CELF2: variants seen among roughly 807,000 people sequenced by gnomAD.
CELF2 encodes CUG triplet repeat RNA-binding protein 2.
CELF2 carries 8 observed loss-of-function variants against 62.6 expected under a neutral mutation model. The ratio of observed to expected loss-of-function variants is 0.13; its 90% CI spans 0.07 to 0.23. The LOEUF (loss-of-function observed/expected upper bound fraction) is 0.23. Ranked by LOEUF, CELF2 falls within the 10% of genes least tolerant of loss-of-function variation. The probability of loss-of-function intolerance (pLI) is 1.00; values close to 1 mark genes in which losing one functional copy is unlikely to be tolerated. For synonymous variants in CELF2, 258 were observed against 250.0 expected (o/e 1.03, Z -0.30); for missense variants, 333 against 671.0 (o/e 0.50, Z 5.56).
the CELF2 span, among the ~76,000 whole-genome samples, chr10:10,790,300 A>G: frequency 6.6e-6 from 1 of 152,100 alleles, no homozygotes; most frequent in Non-Finnish European, 1.5e-5. Context: ...GAACCCTACT[A>G]TAATTATTGT....
At chr10:11,094,213 T>C (rs915355490) in intron 1 of CELF2, among the ~76,000 whole-genome samples, 1 of 152,206 alleles carries the variant, frequency 6.6e-6, no homozygotes, top group Non-Finnish European at 1.5e-5. Context: ...TGCAGAACAT[T>C]AACTTTACGC....
the CELF2 span, among the ~76,000 whole-genome samples, chr10:10,765,061 G>A: frequency 2.0e-5 from 3 of 152,164 alleles, no homozygotes; most frequent in Non-Finnish European, 4.4e-5. Flanking sequence ...TACCACCTTT[G>A]GGGGTGGAGG....
chr10:11,131,999 A>G (rs2131871981), intron 1 of CELF2, among the ~76,000 whole-genome samples: 1 of 152,352 alleles, frequency 6.6e-6, no homozygotes, highest in African/African-American at 2.4e-5. Flanking sequence ...TAAAACCGTA[A>G]TTTTATAAAA....
chr10:10,545,589 A>G, the CELF2 span, among the ~76,000 whole-genome samples: 3 of 152,206 alleles, frequency 2.0e-5, no homozygotes, highest in African/African-American at 7.2e-5. Flanking sequence ...GCTTTATTCC[A>G]TTTCCTGACT....
intron 2 of CELF2, among the ~76,000 whole-genome samples, chr10:10,925,540 T>C (rs112596332): frequency 2.7e-4 from 41 of 152,140 alleles, no homozygotes; most frequent in South Asian, 2.5e-3. Flanking sequence ...CCCAGTGCTA[T>C]GGGAAAGTGT....
chr10:10,823,681 C>T (rs573828347), intron 1 of CELF2, among the ~76,000 whole-genome samples: 6 of 152,102 alleles, frequency 3.9e-5, no homozygotes, highest in African/African-American at 4.8e-5. Flanking sequence ...CAGAGATAAT[C>T]GTATTAATAA....
chr10:10,849,088 C>T (rs929810556), intron 1 of CELF2, among the ~76,000 whole-genome samples: 2 of 151,912 alleles, frequency 1.3e-5, no homozygotes, highest in African/African-American at 4.8e-5. Flanking sequence ...TTAATTATTT[C>T]AAACTTGTAG....
At chr10:10,614,389 G>A in the CELF2 span, among the ~76,000 whole-genome samples, 4 of 152,134 alleles carry the variant, frequency 2.6e-5, no homozygotes, top group South Asian at 4.2e-4. Context: ...CTATAAGGCA[G>A]CCTCTCACCC....
chr10:10,733,656 G>A, the CELF2 span, among the ~76,000 whole-genome samples: 57 of 152,248 alleles, frequency 3.7e-4, no homozygotes, highest in Admixed American at 7.8e-4. Context: ...ATCCTGTCTT[G>A]CATGGTGGCA....
intron 1 of CELF2, among the ~76,000 whole-genome samples, chr10:11,093,944 A>G (rs1448649991): frequency 6.6e-6 from 1 of 152,244 alleles, no homozygotes; most frequent in Non-Finnish European, 1.5e-5. Flanking sequence ...GTCATGGACA[A>G]TTAGTAGCCA....
rs928432831 is a variant in CELF2 at position 11,206,827 on chromosome 10, G to A, written c.272-10598G>A. On this transcript the variant is annotated intron_variant, in intron 2 of 12. Transcript: ENST00000633077. Reference sequence around the variant, plus strand: ...TCTTTCATTCCTATAGTCAAGTGACGTTTTCTCTAACAAAGAAGACTCCTT... The same window carrying A: ...TCTTTCATTCCTATAGTCAAGTGACATTTTCTCTAACAAAGAAGACTCCTT... 3.9e-5 allele frequency among the ~76,000 whole-genome samples: 6 copies of A among 152,328 alleles called. 1 individual carries two copies. The highest frequency in any genetic ancestry group is 2.1e-4 in the South Asian group (1 of 4,826).
the CELF2 span, among the ~76,000 whole-genome samples, chr10:10,573,547 T>C: frequency 6.6e-6 from 1 of 152,196 alleles, no homozygotes; most frequent in East Asian, 1.9e-4. Context: ...CAGAATTCTT[T>C]TTCTCAAGAA....
chr10:10,627,211 C>T, the CELF2 span, among the ~76,000 whole-genome samples: 1 of 152,230 alleles, frequency 6.6e-6, no homozygotes. Flanking sequence ...TATCTCAGAC[C>T]CTCAAACTTC....
the CELF2 span, among the ~76,000 whole-genome samples, chr10:10,495,565 C>A: frequency 6.6e-6 from 1 of 152,186 alleles, no homozygotes; most frequent in Non-Finnish European, 1.5e-5. Context: ...ACCTGAACAG[C>A]CACAGGGTCC....
the CELF2 span, among the ~76,000 whole-genome samples, chr10:10,657,445 G>A: frequency 6.6e-6 from 1 of 151,988 alleles, no homozygotes; most frequent in East Asian, 1.9e-4. Flanking sequence ...AATTGCTTTT[G>A]CACCAGCCCA....
At chr10:11,212,648 C>G (rs1278874047) in intron 2 of CELF2, among the ~76,000 whole-genome samples, 1 of 151,660 alleles carries the variant, frequency 6.6e-6, no homozygotes, top group East Asian at 1.9e-4. Flanking sequence ...CCTGATGGAC[C>G]TATGAATTTT....
At chr10:11,169,327 T>A (rs138120783) in intron 2 of CELF2, 1 of 152,210 alleles carries the variant, frequency 6.6e-6, no homozygotes, top group Non-Finnish European at 1.5e-5. Flanking sequence ...ATGGGCTTAC[T>A]GGAACCATGG....
chr10:10,601,521 C>A, the CELF2 span, among the ~76,000 whole-genome samples: 1 of 152,166 alleles, frequency 6.6e-6, no homozygotes, highest in Non-Finnish European at 1.5e-5. Flanking sequence ...AAAGCTCCTT[C>A]TGAAATGGGG....
chr10:10,970,309 C>T (rs765020079), intron 2 of CELF2, among the ~76,000 whole-genome samples: 4 of 152,132 alleles, frequency 2.6e-5, no homozygotes, highest in Non-Finnish European at 4.4e-5. Context: ...TCAAGCGATC[C>T]GCCCACCTCA....
Sources: gnomAD v4.1 joint callset for allele counts (sites outside exome capture counted in the v4.1 genomes callset) on GRCh38, gnomAD v4.1.1 for gene constraint, MANE v1.5 for transcripts, NCBI Gene and HGNC (gene_info 2026-07-23, HGNC 2026-07-21) for gene names.